CFAP299: variants seen among roughly 807,000 people sequenced by gnomAD.
CFAP299 encodes cilia- and flagella-associated protein 299.
A neutral mutation model predicts 27.0 loss-of-function variants in CFAP299; 21 were observed. That is an observed-to-expected ratio of 0.78 (90% CI 0.55 to 1.12). The LOEUF (loss-of-function observed/expected upper bound fraction) is 1.12. Ranked by LOEUF, CFAP299 falls within the 50% of genes most tolerant of loss-of-function variation. The pLI is 0.00. For synonymous variants in CFAP299, 104 were observed against 98.1 expected (o/e 1.06, Z -0.36); for missense variants, 310 against 276.6 (o/e 1.12, Z -0.86).
intron 2 of CFAP299, among the ~76,000 whole-genome samples, chr4:80,507,944 C>G (rs1440294759): frequency 6.6e-6 from 1 of 152,100 alleles, no homozygotes; most frequent in African/African-American, 2.4e-5. Flanking sequence ...TAGTCAGACC[C>G]AAAATAACTT....
At chr4:80,762,265 A>G (rs1287338497) in intron 3 of CFAP299, among the ~76,000 whole-genome samples, 2 of 152,074 alleles carry the variant, frequency 1.3e-5, no homozygotes, top group South Asian at 2.1e-4. Flanking sequence ...TCATATTTCC[A>G]TAGAAATTCT....
intron 3 of CFAP299, among the ~76,000 whole-genome samples, chr4:80,836,075 A>G (rs1385811812): frequency 1.3e-5 from 2 of 152,180 alleles, no homozygotes; most frequent in Admixed American, 1.3e-4. Context: ...CTGTATCTCA[A>G]TTACTAGGCC....
chr4:80,386,955 G>A, intron 2 of CFAP299: 1 of 906,904 alleles, frequency 1.1e-6, no homozygotes, highest in Non-Finnish European at 1.9e-6. Flanking sequence ...CACCCGCCGG[G>A]AGGACTTCTT....
intron 2 of CFAP299, among the ~76,000 whole-genome samples, chr4:80,379,835 G>T (rs1158884915): frequency 6.6e-6 from 1 of 151,792 alleles, no homozygotes; most frequent in African/African-American, 2.4e-5. Context: ...TATCTTAGTT[G>T]ATGTTACAGG....
At chr4:80,787,484 A>G (rs2110096112) in intron 3 of CFAP299, among the ~76,000 whole-genome samples, 1 of 151,972 alleles carries the variant, frequency 6.6e-6, no homozygotes, top group African/African-American at 2.4e-5. Context: ...AACTGAGTCA[A>G]TTCCTTCTTG....
intron 3 of CFAP299, among the ~76,000 whole-genome samples, chr4:80,683,800 G>A (rs541239370): frequency 6.6e-6 from 1 of 152,282 alleles, no homozygotes; most frequent in South Asian, 2.1e-4. Flanking sequence ...TATTTATCAA[G>A]CATGTACTAT....
intron 2 of CFAP299, among the ~76,000 whole-genome samples, chr4:80,564,867 G>C (rs1334333943): frequency 6.6e-6 from 1 of 151,548 alleles, no homozygotes; most frequent in East Asian, 1.9e-4. Context: ...TGCAAACAAT[G>C]AACAATCTGA....
chr4:80,675,976 C>T (rs375466646), intron 3 of CFAP299, among the ~76,000 whole-genome samples: 12 of 152,212 alleles, frequency 7.9e-5, no homozygotes, highest in South Asian at 6.2e-4. Flanking sequence ...AAGGGAAATC[C>T]CCCAACCCCT....
chr4:80,936,173 G>T (rs1347605043), intron 4 of CFAP299, among the ~76,000 whole-genome samples: 1 of 152,074 alleles, frequency 6.6e-6, no homozygotes, highest in South Asian at 2.1e-4. Context: ...AAATGGGAAT[G>T]CATATACACT....
At chr4:80,738,489 C>T (rs1017803660) in intron 3 of CFAP299, among the ~76,000 whole-genome samples, 3 of 152,058 alleles carry the variant, frequency 2.0e-5, no homozygotes, top group African/African-American at 7.2e-5. Flanking sequence ...TAATGACCTT[C>T]TTTGTCTCCT....
chr4:80,572,957 A>G (rs1476416927), intron 2 of CFAP299, among the ~76,000 whole-genome samples: 1 of 152,112 alleles, frequency 6.6e-6, no homozygotes, highest in Non-Finnish European at 1.5e-5. Flanking sequence ...GACATGATAT[A>G]CTGATATACT....
chr4:80,403,196 T>C (rs1411471533), intron 2 of CFAP299, among the ~76,000 whole-genome samples: 2 of 152,206 alleles, frequency 1.3e-5, no homozygotes, highest in Non-Finnish European at 2.9e-5. Flanking sequence ...TGACTTAAAA[T>C]TTTTCTCTGT....
At chr4:80,390,740 T>G (rs995999920) in intron 2 of CFAP299, among the ~76,000 whole-genome samples, 13 of 137,240 alleles carry the variant, frequency 9.5e-5, no homozygotes, top group Admixed American at 4.4e-4. Flanking sequence ...TATATGTATA[T>G]ATGTATATAT....
intron 2 of CFAP299, among the ~76,000 whole-genome samples, chr4:80,577,694 C>A (rs151300391): frequency 6.6e-6 from 1 of 152,074 alleles, no homozygotes; most frequent in Non-Finnish European, 1.5e-5. Context: ...AGCCATCACG[C>A]CCGACCTAGA....
At position 80,394,134 on chromosome 4, in the gene CFAP299, C is replaced by A. The variant is rs146215275; in HGVS notation, c.242+31250C>A. 6.2e-3 allele frequency among the ~76,000 whole-genome samples: 939 copies of A among 152,280 alleles called. 2 individuals carry two copies. The highest frequency in any genetic ancestry group is 0.024 in the Middle Eastern group (7 of 294). On this transcript the variant is annotated intron_variant, in intron 2 of 5. Coordinates refer to ENST00000358105, the MANE Select transcript of CFAP299 (RefSeq NM_152770.3). ...GATTGTAAGTTTCCTGAGGCATCTC[C>A]AGGCAAGTGGAACTGTGAGTCAATA... is the stretch of plus-strand genomic sequence containing the variant.
chr4:80,961,006 G>A lies in CFAP299; in HGVS notation c.607-2511G>A, dbSNP rs556348096. The stretch of plus-strand genomic sequence containing the variant: ...GTTAGAAATCATCTATATATCAAGC[G>A]AGTATTCATTGTATAATTCAACTTA... On this transcript the variant is annotated intron_variant, in intron 5 of 5. Transcript: ENST00000358105. 4.6e-5 allele frequency among the ~76,000 whole-genome samples: 7 copies of A among 151,580 alleles called. No homozygotes were observed. The East Asian group carries it at 9.7e-4, about 21-fold the overall frequency.
At chr4:80,592,662 A>G (rs564832924) in intron 3 of CFAP299, among the ~76,000 whole-genome samples, 1 of 152,326 alleles carries the variant, frequency 6.6e-6, no homozygotes, top group Admixed American at 6.5e-5. Context: ...AAAGGGATAT[A>G]ACCACGATTA....
chr4:80,631,266 G>A (rs1282936521), intron 3 of CFAP299, among the ~76,000 whole-genome samples: 2 of 151,922 alleles, frequency 1.3e-5, no homozygotes, highest in East Asian at 3.9e-4. Context: ...AACATTTGTT[G>A]GTATAGCATT....
chr4:80,343,437 C>A (rs6820889), intron 1 of CFAP299, among the ~76,000 whole-genome samples: 88,213 of 152,078 alleles, frequency 0.58, 28,355 homozygotes, highest in Non-Finnish European at 0.72. Flanking sequence ...AAACACTCTT[C>A]AGCAAATGCA....
Sources: allele counts gnomAD v4.1 joint callset (sites outside exome capture counted in the v4.1 genomes callset), GRCh38; gene constraint gnomAD v4.1.1; transcripts MANE v1.5; gene names NCBI Gene and HGNC (gene_info 2026-07-23, HGNC 2026-07-21).